Variants in SRF observed in about 807,000 individuals in gnomAD.
SRF encodes c-fos serum response element-binding transcription factor.
A neutral mutation model predicts 37.1 loss-of-function variants in SRF; 7 were observed. The observed-to-expected ratio is 0.19, with a 90% CI of 0.11 to 0.35. SRF has a LOEUF of 0.35. SRF is among the 10% of genes least tolerant of loss of function. The pLI is 1.00. For missense variants in SRF, 395 were observed against 694.4 expected (o/e 0.57, Z 4.85); for synonymous variants, 285 against 310.1 (o/e 0.92, Z 0.85).
chr6:43,179,406 C>T lies in SRF; in HGVS notation c.*216C>T, dbSNP rs1772266599. On this transcript the variant is annotated 3_prime_UTR_variant, in exon 7 of 7. Transcript: ENST00000265354. The surrounding 1 kb of genome is among the most constrained non-coding windows in gnomAD (Gnocchi z 5.3). ...TCAGCCTCCCCTTCTTCCCGCCCCA[C>T]CTCCCATTTCTGTTGCTGGAGGGGC... is the stretch of plus-strand genomic sequence containing the variant. 1 of 585,206 alleles carries T rather than the reference C, an allele frequency of 1.7e-6. No individual in the cohort carries two copies. Among genetic ancestry groups the T allele is most frequent in the African/African-American group, 1.9e-5 (1 of 53,576 alleles). The allele number at this position is 585,206 out of a possible 1,614,324, so 36.3% of individuals were successfully genotyped here.
At position 43,179,370 on chromosome 6, in the gene SRF, C is replaced by T. The variant is rs1040187255; in HGVS notation, c.*180C>T. 6.3e-6 allele frequency: 4 copies of T among 634,024 alleles called. No homozygotes were observed. Among genetic ancestry groups the T allele is most frequent in the Non-Finnish European group, 1.1e-5 (4 of 358,550 alleles). 39.3% of individuals were successfully genotyped at this position (634,024 alleles called of 1,614,324 possible). On this transcript the variant is annotated 3_prime_UTR_variant, in exon 7 of 7. Coordinates refer to ENST00000265354, the MANE Select transcript of SRF (RefSeq NM_003131.4). This position sits in a 1 kb window ranked among gnomAD's most constrained non-coding sequence, Gnocchi z 5.3. Reference sequence around the variant, plus strand: ...AAAGAAATGGGCCTGCCTGCCTCCACCCGTCCTCCCTCAGCCTCCCCTTCT... The same window carrying T: ...AAAGAAATGGGCCTGCCTGCCTCCATCCGTCCTCCCTCAGCCTCCCCTTCT...
Position 43,175,800 on chromosome 6 carries a change from G to C in SRF, c.875G>C (p.Ser292Thr), listed in dbSNP as rs1772186480. 1 of 1,614,096 alleles carries C rather than the reference G, an allele frequency of 6.2e-7. No individual in the cohort carries two copies. Among genetic ancestry groups the C allele is most frequent in the South Asian group, 1.1e-5 (1 of 91,092 alleles). The change falls in exon 3 of 7, where the codon AGC (serine) becomes ACC (threonine). Residue 292 changes from serine to threonine, a missense_variant. Coordinates refer to ENST00000265354, the MANE Select transcript of SRF (RefSeq NM_003131.4). ...APSTSTTMQV[S>T]SGPSFPITNY... The stretch of plus-strand genomic sequence containing the variant: ...AGCACCTCTACCACCATGCAAGTCA[G>C]CAGCGGCCCCTCCTTTCCCATCACC...
Position 43,178,398 on chromosome 6 carries a change from C to G in SRF, c.1267C>G (p.Leu423Val). ...HAVMYAPTSG[L>V]GDGSLTVLNA... ...GGTGATGTATGCCCCCACCTCGGGC[C>G]TGGGTGATGGCAGCCTCACCGTGCT... The change falls in exon 5 of 7, where the codon CTG (leucine) becomes GTG (valine). Residue 423 changes from leucine (L) to valine (V), a missense_variant. Around this residue, in one of 4 missense-constraint regions of SRF, gnomAD observed 232 missense variants for 335.6 expected, o/e 0.69. Coordinates refer to ENST00000265354, the MANE Select transcript of SRF (RefSeq NM_003131.4). This position sits in a 1 kb window ranked among gnomAD's most constrained non-coding sequence, Gnocchi z 4.3. 1 of 1,614,116 alleles carries G rather than the reference C, an allele frequency of 6.2e-7. No homozygotes were observed.
Position 43,176,487 on chromosome 6 carries a change from G to A in SRF, c.1043-61G>A, listed in dbSNP as rs531841358. ...GACCCTGGGACTGGGGTGTCCATGG[G>A]TACTTGGTGGAGGTGGCAATTGGGT... On this transcript the variant is annotated intron_variant, in intron 3 of 6. Transcript: ENST00000265354. This position sits in a 1 kb window ranked among gnomAD's most constrained non-coding sequence, Gnocchi z 4.0. 104 of 1,602,762 alleles carry A rather than the reference G, an allele frequency of 6.5e-5. 1 individual carries two copies. The South Asian group carries it at 1.0e-3, about 16-fold the overall frequency.
chr6:43,179,640 A>G lies in SRF; in HGVS notation c.*450A>G. On this transcript the variant is annotated 3_prime_UTR_variant, in exon 7 of 7. Coordinates refer to ENST00000265354, the MANE Select transcript of SRF (RefSeq NM_003131.4). The surrounding 1 kb of genome is among the most constrained non-coding windows in gnomAD (Gnocchi z 5.3). ...CCTGTGTCTGTCACAGGCTGGGTCA[A>G]AAGAGCCCTGGCTCTGCCCCTCAGG... 1 of 193,108 alleles carries G rather than the reference A, an allele frequency of 5.2e-6. No homozygotes were observed. Among genetic ancestry groups the G allele is most frequent in the Non-Finnish European group, 1.1e-5 (1 of 91,200 alleles). The allele number at this position is 193,108 out of a possible 1,614,324, so 12.0% of individuals were successfully genotyped here.
chr6:43,179,431 C>A lies in SRF; in HGVS notation c.*241C>A. The A allele has an allele frequency of 1.8e-6, 1 of 563,404 alleles. No individual in the cohort carries two copies. Among genetic ancestry groups the A allele is most frequent in the East Asian group, 3.0e-5 (1 of 32,864 alleles). 34.9% of individuals were successfully genotyped at this position (563,404 alleles called of 1,614,324 possible). ...CCTCCCATTTCTGTTGCTGGAGGGGCTGTCCTCCTTCCTGGGACCCCCTCG... is the reference window on the plus strand; with the variant it reads ...CCTCCCATTTCTGTTGCTGGAGGGGATGTCCTCCTTCCTGGGACCCCCTCG... On this transcript the variant is annotated 3_prime_UTR_variant, in exon 7 of 7. Transcript: ENST00000265354. This position sits in a 1 kb window ranked among gnomAD's most constrained non-coding sequence, Gnocchi z 5.3.
chr6:43,178,364 C>G lies in SRF; in HGVS notation c.1233C>G (p.Ser411Arg). The G allele has an allele frequency of 5.0e-6, 8 of 1,614,060 alleles. No individual in the cohort carries two copies. The highest frequency in any genetic ancestry group is 6.8e-6 in the Non-Finnish European group (8 of 1,180,034). ...TGGGTGGCCACATGATGTACCCTAG[C>G]CCGCATGCGGTGATGTATGCCCCCA... is the stretch of plus-strand genomic sequence containing the variant. ...TTVGGHMMYP[S>R]PHAVMYAPTS... is the part of the protein sequence containing the mutation. The change falls in exon 5 of 7, where the codon AGC (serine) becomes AGG (arginine). Residue 411 changes from serine to arginine, a missense_variant. By Grantham distance (110) the Ser-to-Arg change is moderately radical (BLOSUM62 -1). Around this residue, in one of 4 missense-constraint regions of SRF, gnomAD observed 232 missense variants for 335.6 expected, o/e 0.69. Coordinates refer to ENST00000265354, the MANE Select transcript of SRF (RefSeq NM_003131.4). The surrounding 1 kb of genome is among the most constrained non-coding windows in gnomAD (Gnocchi z 4.3).
chr6:43,178,318 C>T lies in SRF; in HGVS notation c.1187C>T (p.Thr396Met), dbSNP rs773291512. The change falls in exon 5 of 7, where the codon ACG becomes ATG. Residue 396 changes from threonine to methionine, a missense_variant. Transcript: ENST00000265354. The surrounding 1 kb of genome is among the most constrained non-coding windows in gnomAD (Gnocchi z 4.3). ...GTGACGCTGCCCGCCACCATCATGA[C>T]GTCATCCGTGCCCACAACTGTGGGT... ...GTVTLPATIMTSSVPTTVGGH... is the reference protein window; with the variant it reads ...GTVTLPATIMMSSVPTTVGGH... 22 of 1,605,530 alleles carry T rather than the reference C, an allele frequency of 1.4e-5. No homozygotes were observed. Among genetic ancestry groups the T allele is most frequent in the Non-Finnish European group, 1.7e-5 (20 of 1,174,086 alleles).
chr6:43,174,825 G>A (rs1772168965), intron 2 of SRF, among the ~76,000 whole-genome samples: 1 of 152,166 alleles, frequency 6.6e-6, no homozygotes, highest in Non-Finnish European at 1.5e-5. Flanking sequence ...GACCCACCCC[G>A]CAGCCTTTGA....
At position 43,178,873 on chromosome 6, in the gene SRF, G is replaced by C. The variant is rs142698332; in HGVS notation, c.1422G>C (p.Gln474His). Residue 474 changes from glutamine to histidine, a missense_variant, in exon 6 of 7, where the codon CAG (glutamine) becomes CAC (histidine). Physicochemically the swap from Gln to His is conservative, Grantham distance 24. Transcript: ENST00000265354. This position sits in a 1 kb window ranked among gnomAD's most constrained non-coding sequence, Gnocchi z 4.3. ...GTVQIPVSAV[Q>H]LHQMAVIGQQ... ...TGCAGATCCCTGTTTCAGCAGTTCA[G>C]CTCCACCAGGTAGGTAGGGATATCT... 8 of 1,614,110 alleles carry C rather than the reference G, an allele frequency of 5.0e-6. No homozygotes were observed. In the Admixed American group the frequency reaches 1.2e-4, roughly 24 times the overall value.
At position 43,180,907 on chromosome 6, in the gene SRF, T is replaced by C. The variant is rs1405970488; in HGVS notation, c.*1717T>C. The C allele has an allele frequency of 1.1e-4, 17 of 152,388 alleles. No individual in the cohort carries two copies. Among genetic ancestry groups the C allele is most frequent in the Admixed American group, 1.1e-3 (17 of 15,280 alleles). 9.4% of individuals were successfully genotyped at this position (152,388 alleles called of 1,614,324 possible). On this transcript the variant is annotated 3_prime_UTR_variant, in exon 7 of 7. Transcript: ENST00000265354. Reference sequence around the variant, plus strand: ...CTAACCTCTAACCCTCATTGCTGTCTTGCCCCAGTTTGGGGTGCCAAGATG... The same window carrying C: ...CTAACCTCTAACCCTCATTGCTGTCCTGCCCCAGTTTGGGGTGCCAAGATG...
Position 43,172,334 on chromosome 6 carries a change from G to T in SRF, c.513+165G>T, listed in dbSNP as rs1772124923. 5 of 984,856 alleles carry T rather than the reference G, an allele frequency of 5.1e-6. No individual in the cohort carries two copies. The highest frequency in any genetic ancestry group is 6.0e-6 in the Non-Finnish European group (5 of 829,600). 61.0% of individuals were successfully genotyped at this position (984,856 alleles called of 1,614,324 possible). On this transcript the variant is annotated intron_variant, in intron 1 of 6. Transcript: ENST00000265354. This position sits in a 1 kb window ranked among gnomAD's most constrained non-coding sequence, Gnocchi z 5.7. The stretch of plus-strand genomic sequence containing the variant: ...GCCCGGGGAGGGCCGAAGGGGAGGG[G>T]CCGCCGGGGAAATGTGGGGAGAGGG...
At position 43,173,867 on chromosome 6, in the gene SRF, G is replaced by A. The variant is rs142020494; in HGVS notation, c.534G>A (p.Leu178=). 406 of 1,614,124 alleles carry A rather than the reference G, an allele frequency of 2.5e-4. 1 individual carries two copies. In the African/African-American group the frequency reaches 4.2e-3, roughly 17 times the overall value. ...IMKKAYELST[L]TGTQVLLLVA... Reference sequence around the variant, plus strand: ...CTCAGGCCTATGAGCTGTCCACGCTGACAGGGACACAGGTGCTGTTGCTGG... The same window carrying A: ...CTCAGGCCTATGAGCTGTCCACGCTAACAGGGACACAGGTGCTGTTGCTGG... Residue 178 remains leucine, a synonymous_variant, in exon 2 of 7, where the codon CTG becomes CTA. Transcript: ENST00000265354. This position sits in a 1 kb window ranked among gnomAD's most constrained non-coding sequence, Gnocchi z 4.2.
In SRF at chr6:43,172,992, G is replaced by A. The variant is rs958724906; in HGVS notation, c.513+823G>A. 1.3e-5 allele frequency among the ~76,000 whole-genome samples: 2 copies of A among 152,202 alleles called. No homozygotes were observed. The highest frequency in any genetic ancestry group is 2.9e-5 in the Non-Finnish European group (2 of 68,044). ...GGGTGTAGACGATAAGGGAAGAGAT[G>A]AAAGCAGAGGAACTGGGAGACAAGG... On this transcript the variant is annotated intron_variant, in intron 1 of 6. Coordinates refer to ENST00000265354, the MANE Select transcript of SRF (RefSeq NM_003131.4). This position sits in a 1 kb window ranked among gnomAD's most constrained non-coding sequence, Gnocchi z 5.7.
At chr6:43,174,615 T>C (rs1008865946) in intron 2 of SRF, among the ~76,000 whole-genome samples, 2 of 152,228 alleles carry the variant, frequency 1.3e-5, no homozygotes, top group Non-Finnish European at 2.9e-5. Flanking sequence ...CTGCTAGGGA[T>C]GCCTGCGCTG....
In SRF at chr6:43,178,657, C is replaced by G. The variant is rs1003169912; in HGVS notation, c.1355-149C>G. 1.7e-6 allele frequency: 2 copies of G among 1,188,218 alleles called. No individual in the cohort carries two copies. Among genetic ancestry groups the G allele is most frequent in the African/African-American group, 3.0e-5 (2 of 66,988 alleles). 73.6% of individuals were successfully genotyped at this position (1,188,218 alleles called of 1,614,324 possible). ...GGACACCCCACTTGGACACTCACAC[C>G]CGCATGCACCCTCAGACACACTGGC... On this transcript the variant is annotated intron_variant, in intron 5 of 6. Transcript: ENST00000265354. This position sits in a 1 kb window ranked among gnomAD's most constrained non-coding sequence, Gnocchi z 4.3.
rs764689206 is a variant in SRF, at chr6:43,175,723, G to A, written c.798G>A (p.Ala266=). 8 of 1,614,010 alleles carry A rather than the reference G, an allele frequency of 5.0e-6. No individual in the cohort carries two copies. Among genetic ancestry groups the A allele is most frequent in the East Asian group, 2.2e-5 (1 of 44,892 alleles). The change falls in exon 3 of 7, where the codon GCG becomes GCA. Residue 266 remains alanine (A), a synonymous_variant. Transcript: ENST00000265354. ...SGETKDTLKP[A]FTVTNLPGTT... is the part of the protein sequence containing the mutation. ...GGGTATAGGACACACTGAAGCCGGCGTTCACAGTCACCAACCTGCCGGGTA... is the reference window on the plus strand; with the variant it reads ...GGGTATAGGACACACTGAAGCCGGCATTCACAGTCACCAACCTGCCGGGTA...
chr6:43,178,252 G>A lies in SRF; in HGVS notation c.1163-42G>A. On this transcript the variant is annotated intron_variant, in intron 4 of 6. Transcript: ENST00000265354. This position sits in a 1 kb window ranked among gnomAD's most constrained non-coding sequence, Gnocchi z 4.3. ...CCTAGGGACGGAATGGGAGTTATCA[G>A]TGGGGACCAGTGCCGAGCTGACACA... The A allele has an allele frequency of 6.4e-7, 1 of 1,553,574 alleles. No homozygotes were observed. Among genetic ancestry groups the A allele is most frequent in the South Asian group, 1.2e-5 (1 of 82,220 alleles).
chr6:43,174,569 T>C (rs898538555), intron 2 of SRF, among the ~76,000 whole-genome samples: 4 of 152,216 alleles, frequency 2.6e-5, no homozygotes, highest in Admixed American at 6.5e-5. Flanking sequence ...TTTCAGGGTG[T>C]TGGGGGCCTG....
Sources: gnomAD v4.1 joint callset for allele counts (sites outside exome capture counted in the v4.1 genomes callset) on GRCh38, gnomAD v4.1.1 for gene constraint, gnomAD v4.1.1 regional missense constraint, Gnocchi (gnomAD v3.1) non-coding constraint, MANE v1.5 for transcripts, NCBI Gene and HGNC (gene_info 2026-07-23, HGNC 2026-07-21) for gene names.